PSMD4: variants seen among roughly 807,000 people sequenced by gnomAD.
PSMD4 encodes proteasome 26S subunit ubiquitin receptor, non-ATPase 4.
A neutral mutation model predicts 39.7 loss-of-function variants in PSMD4; 5 were observed. That is an observed-to-expected ratio of 0.13 (90% CI 0.07 to 0.26). The LOEUF is 0.26. PSMD4 is among the 10% of genes least tolerant of loss of function. The pLI is 1.00. For synonymous variants in PSMD4, 143 were observed against 174.6 expected (o/e 0.82, Z 1.43); for missense variants, 272 against 486.1 (o/e 0.56, Z 4.14).
rs781657800 is a variant in PSMD4, at chr1:151,264,039, C to T, written c.282+11C>T. 2 of 1,543,474 alleles carry T rather than the reference C, an allele frequency of 1.3e-6. No homozygotes were observed. The highest frequency in any genetic ancestry group is 1.8e-6 in the Non-Finnish European group (2 of 1,131,406). ...ATCCGCGTGGCCCATGTGAGTCCTACTGGGTTCCCTGGACCTTTCCTCCCT... is the reference window on the plus strand; with the variant it reads ...ATCCGCGTGGCCCATGTGAGTCCTATTGGGTTCCCTGGACCTTTCCTCCCT... On this transcript the variant is annotated intron_variant, in intron 3 of 9. Transcript: ENST00000368884.
chr1:151,255,230 C>G (rs1693136291), intron 1 of PSMD4, among the ~76,000 whole-genome samples: 1 of 152,222 alleles, frequency 6.6e-6, no homozygotes, highest in Non-Finnish European at 1.5e-5. Context: ...ATTACCTTTC[C>G]CTGTATCATC....
At chr1:151,260,692 C>T (rs767724941) in intron 1 of PSMD4, among the ~76,000 whole-genome samples, 3 of 151,940 alleles carry the variant, frequency 2.0e-5, no homozygotes, top group South Asian at 2.1e-4. Flanking sequence ...CCTGCCACCA[C>T]GCCCGGCTAA....
chr1:151,265,073 G>A, intron 4 of PSMD4, 93 bp from the exon 5 acceptor site: 2 of 1,325,092 alleles, frequency 1.5e-6, no homozygotes, highest in Non-Finnish European at 2.1e-6. Flanking sequence ...ACCTTGGGGA[G>A]GTCAATAGAT....
intron 3 of PSMD4, 47 bp downstream of exon 3, chr1:151,264,075 C>A: frequency 7.3e-7 from 1 of 1,377,062 alleles, no homozygotes; most frequent in Non-Finnish European, 1.0e-6. Context: ...GCTCTGAGGT[C>A]CTGCCTCCAT....
intron 9 of PSMD4, chr1:151,266,841 C>G (rs1402811690): frequency 6.9e-6 from 5 of 724,458 alleles, no homozygotes; most frequent in South Asian, 1.5e-5. Context: ...GGATGTCTTC[C>G]CAGGAGGGAA....
chr1:151,258,171 G>A (rs1339699651), intron 1 of PSMD4, among the ~76,000 whole-genome samples: 7 of 151,368 alleles, frequency 4.6e-5, no homozygotes, highest in Non-Finnish European at 4.4e-5. Flanking sequence ...TTACAGGTGC[G>A]TGCCACCATG....
Position 151,264,837 on chromosome 1 carries a change from T to C in PSMD4, c.288T>C (p.Ala96=). Residue 96 remains alanine, a synonymous_variant, in exon 4 of 10, where the codon GCT becomes GCC. Transcript: ENST00000368884. ...FCTGIRVAHL[A]LKHRQGKNHK... The stretch of plus-strand genomic sequence containing the variant: ...ACTTCCTCTCCCTTTACAAGCTGGC[T>C]CTGAAGCACCGACAAGGCAAGAATC... 6.2e-7 allele frequency: 1 copy of C among 1,612,696 alleles called. No homozygotes were observed. Among genetic ancestry groups the C allele is most frequent in the Non-Finnish European group, 8.5e-7 (1 of 1,178,948 alleles).
At position 151,266,879 on chromosome 1, in the gene PSMD4, G is replaced by A. The variant is rs977272745; in HGVS notation, c.963+292G>A. On this transcript the variant is annotated intron_variant, in intron 9 of 9. Transcript: ENST00000368884. ...AAGCGGGTCTGGGAAAAAGAAAAAG[G>A]AGAACTGGGTGTCTTGAGAGCAGGA... The A allele has an allele frequency of 1.7e-5, 12 of 709,124 alleles. No homozygotes were observed. In the African/African-American group the frequency reaches 2.1e-4, roughly 12 times the overall value. 43.9% of individuals were successfully genotyped at this position (709,124 alleles called of 1,614,324 possible).
chr1:151,260,106 G>A (rs1403437581), intron 1 of PSMD4, among the ~76,000 whole-genome samples: 3 of 152,006 alleles, frequency 2.0e-5, no homozygotes, highest in Non-Finnish European at 4.4e-5. Context: ...GGCTGAGGGA[G>A]GAGAATTGCT....
chr1:151,264,234 G>T (rs1693377772), intron 3 of PSMD4, among the ~76,000 whole-genome samples: 1 of 152,004 alleles, frequency 6.6e-6, no homozygotes, highest in Middle Eastern at 3.2e-3. Flanking sequence ...GCTGGGCGTG[G>T]TAGTTCATGC....
At chr1:151,256,836 G>A (rs924508723) in intron 1 of PSMD4, among the ~76,000 whole-genome samples, 10 of 148,896 alleles carry the variant, frequency 6.7e-5, no homozygotes, top group East Asian at 2.0e-4. Flanking sequence ...CGCAACCTCC[G>A]CCTCCCGTGT....
intron 9 of PSMD4, 199 bp from the exon 10 acceptor site, chr1:151,266,974 A>G: frequency 1.4e-6 from 1 of 735,322 alleles, no homozygotes; most frequent in South Asian, 1.5e-5. Flanking sequence ...AGGCCCCTCT[A>G]TTTGGTTAGT....
At position 151,267,433 on chromosome 1, in the gene PSMD4, A is replaced by G; in HGVS notation, c.*90A>G. The G allele has an allele frequency of 6.9e-7, 1 of 1,452,838 alleles. No homozygotes were observed. Among genetic ancestry groups the G allele is most frequent in the African/African-American group, 1.4e-5 (1 of 70,402 alleles). The allele number at this position is 1,452,838 out of a possible 1,614,324, so 90.0% of individuals were successfully genotyped here. ...TAGATGTGTGTTATCTGTAACCATT[A>G]CAGCCTAAATAAAGCTTGGCAACTT... On this transcript the variant is annotated 3_prime_UTR_variant, in exon 10 of 10. Coordinates refer to ENST00000368884, the MANE Select transcript of PSMD4 (RefSeq NM_002810.4).
chr1:151,267,001 CT>C (rs1282394958), intron 9 of PSMD4, 171 bp from the exon 10 acceptor site: 1 of 801,730 alleles, frequency 1.2e-6, no homozygotes, highest in Non-Finnish European at 2.2e-6. Flanking sequence ...TGCATTCATG[CT>C]GTATAAAGGA....
intron 3 of PSMD4, among the ~76,000 whole-genome samples, 184 bp downstream of exon 3, chr1:151,264,212 T>C (rs143956312): frequency 8.7e-4 from 132 of 152,130 alleles, no homozygotes; most frequent in African/African-American, 3.1e-3. Context: ...ATCCCTAGAA[T>C]TGAGAATTAA....
In PSMD4 at chr1:151,263,906, C is replaced by T. The variant is rs747420986; in HGVS notation, c.168-8C>T. The T allele has an allele frequency of 4.5e-6, 7 of 1,551,320 alleles. No individual in the cohort carries two copies. In the Admixed American group the frequency reaches 9.4e-5, roughly 21 times the overall value. ...TGAATTCACTGAAATGCTTTTCCTA[C>T]ATCCCAGTGACTGTGAAGTGCTGAC... On this transcript the variant is annotated splice_region_variant and splice_polypyrimidine_tract_variant and intron_variant, in intron 2 of 9. Transcript: ENST00000368884.
Position 151,266,504 on chromosome 1 carries a change from G to A in PSMD4, c.896-16G>A. The A allele has an allele frequency of 6.2e-7, 1 of 1,614,190 alleles. No homozygotes were observed. The highest frequency in any genetic ancestry group is 8.5e-7 in the Non-Finnish European group (1 of 1,180,040). ...GTGAGGAAGTGTAACTGAACAGACT[G>A]ACCTCTCTTCCTCAGAGTTTGGCCA... On this transcript the variant is annotated splice_polypyrimidine_tract_variant and intron_variant, in intron 8 of 9. Transcript: ENST00000368884.
chr1:151,264,340 T>TAA (rs10535117), intron 3 of PSMD4, among the ~76,000 whole-genome samples: 1 of 140,242 alleles, frequency 7.1e-6, no homozygotes. Flanking sequence ...CCTGTTTCTC[T>TAA]AAAAAAAAAA....
At chr1:151,267,064 C>A (rs587740784) in intron 9 of PSMD4, 109 bp from the exon 10 acceptor site, 2 of 1,337,994 alleles carry the variant, frequency 1.5e-6, no homozygotes, top group Non-Finnish European at 2.2e-6. Flanking sequence ...CAGATCCCCA[C>A]ACAGTCAGAA....
Sources: gnomAD v4.1 joint callset for allele counts (sites outside exome capture counted in the v4.1 genomes callset) on GRCh38, gnomAD v4.1.1 for gene constraint, MANE v1.5 for transcripts, NCBI Gene and HGNC (gene_info 2026-07-23, HGNC 2026-07-21) for gene names.